PCDHGA11: variants seen among roughly 807,000 people sequenced by gnomAD.
PCDHGA11 encodes the protein protocadherin gamma subfamily A, 11.
A neutral mutation model predicts 60.4 loss-of-function variants in PCDHGA11; 39 were observed. The observed-to-expected ratio is 0.65, with a 90% CI of 0.50 to 0.84. The LOEUF is 0.84. Ranked by LOEUF, PCDHGA11 falls within the 40% of genes least tolerant of loss-of-function variation. PCDHGA11 has a pLI of 0.00. For synonymous variants in PCDHGA11, 533 were observed against 510.3 expected (o/e 1.04, Z -0.60); for missense variants, 1,165 against 1,197.7 (o/e 0.97, Z 0.40).
rs2099399818 is a variant in PCDHGA11, at chr5:141,476,845, C to G, written c.2434-17962C>G. 6.2e-7 allele frequency: 1 copy of G among 1,613,794 alleles called. No individual in the cohort carries two copies. Among genetic ancestry groups the G allele is most frequent in the African/African-American group, 1.3e-5 (1 of 75,078 alleles). ...TGGACGCGAATGACAATGCGCCTGTCTTCAACCAGTCCTTGTACCGGGCGC... is the reference window on the plus strand; with the variant it reads ...TGGACGCGAATGACAATGCGCCTGTGTTCAACCAGTCCTTGTACCGGGCGC... On this transcript the variant is annotated intron_variant, in intron 1 of 3. Transcript: ENST00000398587. This position sits in a 1 kb window ranked among gnomAD's most constrained non-coding sequence, Gnocchi z 7.6.
At position 141,434,771 on chromosome 5, in the gene PCDHGA11, TA is replaced by T. The variant is rs36031641; in HGVS notation, c.2433+11124del. On this transcript the variant is annotated intron_variant, in intron 1 of 3. Transcript: ENST00000398587. ...CCCCTGATTCCCCACTTCACACTTC[TA>T]AAAAAAAAAAAATTTTTTTTTCTGA... 2.5e-3 allele frequency among the ~76,000 whole-genome samples: 362 copies of T among 145,286 alleles called. 1 individual carries two copies. The highest frequency in any genetic ancestry group is 0.011 in the Middle Eastern group (3 of 280).
chr5:141,496,839 A>G (rs2099771783), intron 2 of PCDHGA11, among the ~76,000 whole-genome samples: 1 of 151,484 alleles, frequency 6.6e-6, no homozygotes. Flanking sequence ...CAGAACTCAT[A>G]GGCTTCCAGA....
chr5:141,492,942 G>A (rs897160295), intron 1 of PCDHGA11, among the ~76,000 whole-genome samples: 3 of 152,220 alleles, frequency 2.0e-5, no homozygotes, highest in African/African-American at 7.2e-5. Context: ...GAGATTTGGA[G>A]GTGACCAAAC....
At chr5:141,448,887 G>T (rs1160586933) in intron 1 of PCDHGA11, among the ~76,000 whole-genome samples, 1 of 152,172 alleles carries the variant, frequency 6.6e-6, no homozygotes, top group East Asian at 1.9e-4. Flanking sequence ...GGAGCTTGCA[G>T]TGAGCCGAGA....
rs1425295626 is a variant in PCDHGA11 at position 141,477,940 on chromosome 5, C to T, written c.2434-16867C>T. On this transcript the variant is annotated intron_variant, in intron 1 of 3. Coordinates refer to ENST00000398587, the MANE Select transcript of PCDHGA11 (RefSeq NM_018914.3). This position sits in a 1 kb window ranked among gnomAD's most constrained non-coding sequence, Gnocchi z 4.9. ...CAGGGCACAATGCCTGGCTCTCCTA[C>T]AGTCTCTTGGGATCCCCTAACCAGA... The T allele has an allele frequency of 6.2e-7, 1 of 1,614,178 alleles. No homozygotes were observed. Among genetic ancestry groups the T allele is most frequent in the South Asian group, 1.1e-5 (1 of 91,084 alleles).
Position 141,485,183 on chromosome 5 carries a change from A to C in PCDHGA11, c.2434-9624A>C, listed in dbSNP as rs777796801. On this transcript the variant is annotated intron_variant, in intron 1 of 3. Transcript: ENST00000398587. This position sits in a 1 kb window ranked among gnomAD's most constrained non-coding sequence, Gnocchi z 5.7. ...TTAGCGGGCGGCAGCAATGCTCCGC[A>C]AGGTGAGAAGCTGGACAGAAATCTG... 1.9e-6 allele frequency: 3 copies of C among 1,613,248 alleles called. No individual in the cohort carries two copies. The highest frequency in any genetic ancestry group is 3.3e-5 in the Admixed American group (2 of 60,006).
At position 141,431,317 on chromosome 5, in the gene PCDHGA11, C is replaced by T. The variant is rs778667104; in HGVS notation, c.2433+7657C>T. ...TCTCCCTCATCGTGCAAAATGGAGC[C>T]GACGGTAGTAAGTACCCCGAATTGG... On this transcript the variant is annotated intron_variant, in intron 1 of 3. Coordinates refer to ENST00000398587, the MANE Select transcript of PCDHGA11 (RefSeq NM_018914.3). This position sits in a 1 kb window ranked among gnomAD's most constrained non-coding sequence, Gnocchi z 4.8. The T allele has an allele frequency of 6.2e-6, 10 of 1,613,964 alleles. No homozygotes were observed. The highest frequency in any genetic ancestry group is 7.6e-6 in the Non-Finnish European group (9 of 1,180,046).
intron 2 of PCDHGA11, among the ~76,000 whole-genome samples, chr5:141,502,107 C>T (rs1292131951): frequency 6.6e-6 from 1 of 152,192 alleles, no homozygotes; most frequent in East Asian, 1.9e-4. Context: ...TGACCCTGCA[C>T]CCTCAGCCAG....
intron 1 of PCDHGA11, among the ~76,000 whole-genome samples, chr5:141,465,576 C>T (rs1002696285): frequency 6.6e-6 from 1 of 152,136 alleles, no homozygotes; most frequent in Non-Finnish European, 1.5e-5. Context: ...TCTCAAAACA[C>T]TCTCATAATA....
Position 141,421,202 on chromosome 5 carries a change from C to A in PCDHGA11, c.-26C>A. The A allele has an allele frequency of 1.3e-6, 2 of 1,519,344 alleles. No individual in the cohort carries two copies. Among genetic ancestry groups the A allele is most frequent in the Non-Finnish European group, 1.8e-6 (2 of 1,135,522 alleles). The allele number at this position is 1,519,344 out of a possible 1,614,324, so 94.1% of individuals were successfully genotyped here. On this transcript the variant is annotated 5_prime_UTR_variant, in exon 1 of 4. Coordinates refer to ENST00000398587, the MANE Select transcript of PCDHGA11 (RefSeq NM_018914.3). Reference sequence around the variant, plus strand: ...TTCACAACCAACCAGCTCGAGAAACCGCGGAATATCGGCTTAGAGCCTGCC... The same window carrying A: ...TTCACAACCAACCAGCTCGAGAAACAGCGGAATATCGGCTTAGAGCCTGCC...
chr5:141,511,485 C>T lies in PCDHGA11; in HGVS notation c.*312C>T, dbSNP rs1324849800. 1.8e-5 allele frequency: 8 copies of T among 453,300 alleles called. No individual in the cohort carries two copies. The highest frequency in any genetic ancestry group is 1.2e-4 in the African/African-American group (6 of 50,332). The allele number at this position is 453,300 out of a possible 1,614,324, so 28.1% of individuals were successfully genotyped here. A position where few individuals can be genotyped will look rare whatever the true frequency, so the allele number is the denominator to read the frequency against. On this transcript the variant is annotated 3_prime_UTR_variant, in exon 4 of 4. Coordinates refer to ENST00000398587, the MANE Select transcript of PCDHGA11 (RefSeq NM_018914.3). Reference sequence around the variant, plus strand: ...ACCCCGTTTAGTTACAGCTGAACTCCTCCATCTTCCAAATCAATCAGGCCC... The same window carrying T: ...ACCCCGTTTAGTTACAGCTGAACTCTTCCATCTTCCAAATCAATCAGGCCC...
intron 1 of PCDHGA11, chr5:141,427,653 G>A (rs1221862562): frequency 4.1e-6 from 3 of 725,570 alleles, no homozygotes; most frequent in Non-Finnish European, 4.9e-6. Flanking sequence ...CTCCTACGTG[G>A]TCCACGTGGC....
intron 1 of PCDHGA11, among the ~76,000 whole-genome samples, chr5:141,438,397 C>A (rs950830331): frequency 6.6e-6 from 1 of 151,624 alleles, no homozygotes. Context: ...TCATCATTAA[C>A]TCTCTGAAGT....
rs995968509 is a variant in PCDHGA11, at chr5:141,477,065, C to T, written c.2434-17742C>T. ...TCGGCTGGACTTCGAGGACACCAAA[C>T]TCCATGAGATTTACATCCAGGCCAA... On this transcript the variant is annotated intron_variant, in intron 1 of 3. Coordinates refer to ENST00000398587, the MANE Select transcript of PCDHGA11 (RefSeq NM_018914.3). The surrounding 1 kb of genome is among the most constrained non-coding windows in gnomAD (Gnocchi z 4.9). 15 of 1,614,144 alleles carry T rather than the reference C, an allele frequency of 9.3e-6. No homozygotes were observed. The highest frequency in any genetic ancestry group is 3.3e-5 in the Admixed American group (2 of 60,018).
intron 3 of PCDHGA11, among the ~76,000 whole-genome samples, chr5:141,506,012 T>C (rs2099850012): frequency 6.6e-6 from 1 of 152,208 alleles, no homozygotes; most frequent in Non-Finnish European, 1.5e-5. Context: ...CCTCTTTTGC[T>C]GCCCCTAACT....
intron 1 of PCDHGA11, chr5:141,440,744 A>C (rs2098197850): frequency 6.6e-6 from 1 of 152,194 alleles, no homozygotes; most frequent in Non-Finnish European, 1.5e-5. Context: ...CTGCTTGACT[A>C]GGAAAAGCAG....
intron 1 of PCDHGA11, among the ~76,000 whole-genome samples, chr5:141,474,165 A>G (rs1444314307): frequency 6.6e-6 from 1 of 152,234 alleles, no homozygotes; most frequent in Non-Finnish European, 1.5e-5. Context: ...GACAGGCCTT[A>G]TTATTGAGAA....
chr5:141,423,357 C>A lies in PCDHGA11; in HGVS notation c.2130C>A (p.Ile710=). The change falls in exon 1 of 4, where the codon ATC becomes ATA. Residue 710 remains isoleucine, a synonymous_variant. Coordinates refer to ENST00000398587, the MANE Select transcript of PCDHGA11 (RefSeq NM_018914.3). ...CCTGCATCTTCCTGGTCTTTGTCATCGTGCTGCTGGCACTCAGGCTGTGGC... is the reference window on the plus strand; with the variant it reads ...CCTGCATCTTCCTGGTCTTTGTCATAGTGCTGCTGGCACTCAGGCTGTGGC... ...AVSCIFLVFV[I]VLLALRLWRW... 6.2e-7 allele frequency: 1 copy of A among 1,614,214 alleles called. No individual in the cohort carries two copies. Among genetic ancestry groups the A allele is most frequent in the Non-Finnish European group, 8.5e-7 (1 of 1,180,028 alleles).
At chr5:141,425,379 G>A (rs1330938768) in intron 1 of PCDHGA11, among the ~76,000 whole-genome samples, 7 of 152,152 alleles carry the variant, frequency 4.6e-5, no homozygotes, top group African/African-American at 4.8e-5. Context: ...ATGTTGATTC[G>A]GAGGTAGTGA....
Sources: gnomAD v4.1 joint callset for allele counts (sites outside exome capture counted in the v4.1 genomes callset) on GRCh38, gnomAD v4.1.1 for gene constraint, Gnocchi (gnomAD v3.1) non-coding constraint, MANE v1.5 for transcripts, NCBI Gene and HGNC (gene_info 2026-07-23, HGNC 2026-07-21) for gene names.